The following USP34 variants were observed in gnomAD, a reference collection of about 807,000 sequenced individuals.
USP34 encodes ubiquitin specific peptidase 34.
Under a neutral mutation model 460.3 loss-of-function variants are expected in USP34, and 70 were observed. The observed-to-expected ratio is 0.15, with a 90% CI of 0.13 to 0.19. The LOEUF is 0.19. USP34 is among the 10% of genes least tolerant of loss of function. The probability of loss-of-function intolerance (pLI) is 1.00; values close to 1 mark genes in which losing one functional copy is unlikely to be tolerated. For synonymous variants in USP34, 1,647 were observed against 1,405.3 expected, an observed-to-expected ratio of 1.17 and a Z score of -3.85; for missense variants, 3,985 against 4,236.2, an observed-to-expected ratio of 0.94 and a Z score of 1.65.
At chr2:61,437,069 A>G (rs1247210293) in intron 1 of USP34, among the ~76,000 whole-genome samples, 1 of 152,216 alleles carries the variant, frequency 6.6e-6, no homozygotes, top group East Asian at 1.9e-4. Context: ...GGAAGTTTAT[A>G]GTAATAAATG....
At chr2:61,311,326 G>A (rs1690584882) in intron 27 of USP34, among the ~76,000 whole-genome samples, 1 of 152,026 alleles carries the variant, frequency 6.6e-6, no homozygotes, top group Non-Finnish European at 1.5e-5. Flanking sequence ...CCAGATGCTG[G>A]TACCCTGATC....
chr2:61,361,036 GC>G (rs1203172816), intron 10 of USP34, among the ~76,000 whole-genome samples: 1 of 151,946 alleles, frequency 6.6e-6, no homozygotes, highest in Non-Finnish European at 1.5e-5. Flanking sequence ...GCCCCAAATA[GC>G]AAAAAACAAT....
intron 41 of USP34, among the ~76,000 whole-genome samples, chr2:61,276,582 T>C (rs1411659268): frequency 6.6e-6 from 1 of 152,282 alleles, no homozygotes; most frequent in African/African-American, 2.4e-5. Flanking sequence ...TTTTGTACTA[T>C]CTAAAATTAT....
chr2:61,188,883 G>A (rs367931795), intron 79 of USP34, 27 bp downstream of exon 79: 69 of 1,612,836 alleles, frequency 4.3e-5, no homozygotes, highest in African/African-American at 5.3e-5. Context: ...CACCCTAAAG[G>A]TAATGATAGT....
chr2:61,214,344 C>T lies in USP34; in HGVS notation c.8398G>A (p.Ala2800Thr). Residue 2800 changes from alanine to threonine, a missense_variant, in exon 68 of 80, where the codon GCT becomes ACT. Transcript: ENST00000398571. ...PAIATNHNKQ[A>T]LLSFWYNVCA... is the part of the protein sequence containing the mutation. ...ACATTGTACCAAAATGAAAGCAAAG[C>T]CTGTTTATTGTGATTTGTAGCTATT... 1 of 1,614,222 alleles carries T rather than the reference C, an allele frequency of 6.2e-7. No homozygotes were observed. The highest frequency in any genetic ancestry group is 8.5e-7 in the Non-Finnish European group (1 of 1,180,040).
intron 1 of USP34, among the ~76,000 whole-genome samples, chr2:61,469,520 C>T (rs915218981): frequency 6.6e-6 from 1 of 152,154 alleles, no homozygotes; most frequent in African/African-American, 2.4e-5. Context: ...GAAGTAAATA[C>T]GGAGTTGAAA....
In USP34 at chr2:61,311,832, C is replaced by A. The variant is rs759138814; in HGVS notation, c.3621G>T (p.Gln1207His). ...GGCATACAACCCTTAGCGGCAGAGA[C>A]TGTTTGTCACTCAGTGCTTTCAAAT... ...SSHLKALSDK[Q>H]SLPLRVVCQP... The change falls in exon 26 of 80, where the codon CAG (glutamine) becomes CAT (histidine). Residue 1207 changes from glutamine (Q) to histidine (H), a missense_variant. Transcript: ENST00000398571. The A allele has an allele frequency of 7.4e-6, 12 of 1,614,022 alleles. No individual in the cohort carries two copies. The East Asian group carries it at 1.8e-4, about 24-fold the overall frequency.
chr2:61,330,499 T>C (rs1691228307), intron 20 of USP34, among the ~76,000 whole-genome samples: 1 of 152,238 alleles, frequency 6.6e-6, no homozygotes, highest in African/African-American at 2.4e-5. Context: ...TAAAGGTCTA[T>C]GACTTTTCCG....
chr2:61,426,433 T>A (rs1335400825), intron 1 of USP34, among the ~76,000 whole-genome samples: 1 of 152,062 alleles, frequency 6.6e-6, no homozygotes, highest in Non-Finnish European at 1.5e-5. Context: ...ACACTGGGCC[T>A]TAGAGAAACA....
chr2:61,441,106 C>A (rs1412437506), intron 1 of USP34, among the ~76,000 whole-genome samples: 1 of 145,182 alleles, frequency 6.9e-6, no homozygotes, highest in Admixed American at 7.0e-5. Flanking sequence ...CCAGCCTGGA[C>A]AACTGAGTGA....
chr2:61,433,908 C>T (rs1209255685), intron 1 of USP34, among the ~76,000 whole-genome samples: 1 of 152,154 alleles, frequency 6.6e-6, no homozygotes, highest in Non-Finnish European at 1.5e-5. Context: ...CAAGGCCACA[C>T]AGGTGAATGA....
chr2:61,233,820 CAG>C (rs911584253), intron 57 of USP34, among the ~76,000 whole-genome samples: 2 of 144,774 alleles, frequency 1.4e-5, no homozygotes, highest in African/African-American at 2.6e-5. Flanking sequence ...GCCTGGATGA[CAG>C]AGTGACACCC....
intron 1 of USP34, among the ~76,000 whole-genome samples, chr2:61,450,144 A>T (rs1455721104): frequency 6.6e-6 from 1 of 152,220 alleles, no homozygotes; most frequent in Non-Finnish European, 1.5e-5. Context: ...CAACATGGAC[A>T]AAACTGGAAA....
chr2:61,446,981 G>A (rs1377094430), intron 1 of USP34, among the ~76,000 whole-genome samples: 3 of 151,990 alleles, frequency 2.0e-5, no homozygotes, highest in East Asian at 1.9e-4. Flanking sequence ...TAGGCCGGGC[G>A]TGGTGGCTCA....
At chr2:61,196,467 C>T (rs192590921) in intron 75 of USP34, among the ~76,000 whole-genome samples, 58 of 152,068 alleles carry the variant, frequency 3.8e-4, no homozygotes, top group African/African-American at 1.3e-3. Flanking sequence ...TCAAGTGATC[C>T]GCCTGCCTTG....
intron 20 of USP34, among the ~76,000 whole-genome samples, chr2:61,328,988 G>C (rs929627015): frequency 1.3e-5 from 2 of 151,976 alleles, no homozygotes; most frequent in Admixed American, 6.6e-5. Context: ...GCCATGTGTG[G>C]TTTTATTTCT....
rs566784924 is a variant in USP34, at chr2:61,440,677, C to T, written c.44-19844G>A. ...GGATTAAAGGCGCCCACCACCATAC[C>T]CGGCTACTTTTTGTATTTTTAGTAG... On this transcript the variant is annotated intron_variant, in intron 1 of 79. Transcript: ENST00000398571. Among the ~76,000 whole-genome samples, 4 of 151,918 alleles carry T rather than the reference C, an allele frequency of 2.6e-5. No homozygotes were observed. In the East Asian group the frequency reaches 7.9e-4, roughly 30 times the overall value.
At chr2:61,413,118 G>A (rs1395403054) in intron 2 of USP34, among the ~76,000 whole-genome samples, 1 of 152,042 alleles carries the variant, frequency 6.6e-6, no homozygotes, top group Non-Finnish European at 1.5e-5. Context: ...CAAGGAGGCC[G>A]GGCGCGGTGG....
chr2:61,385,207 T>G (rs1049712612), intron 5 of USP34, among the ~76,000 whole-genome samples: 6 of 152,126 alleles, frequency 3.9e-5, no homozygotes, highest in Admixed American at 6.6e-5. Flanking sequence ...ACATAAAAAG[T>G]TGGAAAATAA....
Sources: allele counts gnomAD v4.1 joint callset (sites outside exome capture counted in the v4.1 genomes callset), GRCh38; gene constraint gnomAD v4.1.1; transcripts MANE v1.5; gene names NCBI Gene and HGNC (gene_info 2026-07-23, HGNC 2026-07-21).